The following ACADL variants were observed in gnomAD, a reference collection of about 807,000 sequenced individuals.
The protein encoded by ACADL is acyl-CoA dehydrogenase long chain.
A neutral mutation model predicts 56.9 loss-of-function variants in ACADL; 60 were observed. That is an observed-to-expected ratio of 1.05 (90% CI 0.86 to 1.31). The LOEUF (loss-of-function observed/expected upper bound fraction) is 1.31. Among genes scored for constraint, ACADL ranks in the 50% most tolerant of loss-of-function variants. ACADL has a pLI of 0.00. For synonymous variants in ACADL, 158 were observed against 179.7 expected (o/e 0.88, Z 0.97); for missense variants, 484 against 525.5 (o/e 0.92, Z 0.77).
At chr2:210,195,181 A>G (rs768412942) in intron 9 of ACADL, 30 bp downstream of exon 9, 1 of 1,613,536 alleles carries the variant, frequency 6.2e-7, no homozygotes, top group South Asian at 1.1e-5. Flanking sequence ...CTGAGCACAC[A>G]CCGCACTCTA....
At chr2:210,218,330 G>T in intron 2 of ACADL, 1 of 449,106 alleles carries the variant, frequency 2.2e-6, no homozygotes, top group Non-Finnish European at 3.9e-6. Context: ...ACCCAGGCTG[G>T]TGTGCAGTGG....
intron 10 of ACADL, among the ~76,000 whole-genome samples, chr2:210,191,980 C>T (rs2125708266): frequency 6.6e-6 from 1 of 152,144 alleles, no homozygotes; most frequent in Non-Finnish European, 1.5e-5. Context: ...CAAATTAGTA[C>T]TGCTTCAAAC....
chr2:210,216,565 C>T, intron 3 of ACADL, 54 bp from the exon 4 acceptor site: 3 of 1,511,106 alleles, frequency 2.0e-6, no homozygotes, highest in Non-Finnish European at 2.7e-6. Context: ...TAAAAAACGA[C>T]TATTATAACA....
At chr2:210,209,923 CACCT>C (rs1227623607) in intron 5 of ACADL, 1 of 354,960 alleles carries the variant, frequency 2.8e-6, no homozygotes, top group Non-Finnish European at 5.2e-6. Context: ...ATGTGAGCCT[CACCT>C]TGTCTTTTTC....
chr2:210,218,636 A>C (rs1369137499), intron 2 of ACADL: 1 of 154,608 alleles, frequency 6.5e-6, no homozygotes, highest in African/African-American at 2.4e-5. Context: ...TTGACTATTT[A>C]TTGGACTTGA....
chr2:210,215,610 C>T (rs187659021), intron 4 of ACADL, among the ~76,000 whole-genome samples: 1 of 152,264 alleles, frequency 6.6e-6, no homozygotes, highest in Admixed American at 6.5e-5. Flanking sequence ...GAAGCTCTTT[C>T]TCCCATTCTT....
chr2:210,213,274 C>T (rs188990199), intron 4 of ACADL, among the ~76,000 whole-genome samples: 138 of 152,206 alleles, frequency 9.1e-4, no homozygotes, highest in Non-Finnish European at 1.4e-3. Context: ...CCAAGACAGG[C>T]GGATCACCTG....
At chr2:210,208,231 G>A (rs923028425) in intron 5 of ACADL, among the ~76,000 whole-genome samples, 2 of 152,208 alleles carry the variant, frequency 1.3e-5, no homozygotes, top group African/African-American at 2.4e-5. Context: ...GAATAGAAAG[G>A]AAGGGAGGAG....
intron 10 of ACADL, among the ~76,000 whole-genome samples, chr2:210,190,985 C>T (rs1295463641): frequency 6.7e-6 from 1 of 149,604 alleles, no homozygotes; most frequent in East Asian, 2.0e-4. Flanking sequence ...GGCGCAATCT[C>T]GACTCACTGC....
At chr2:210,204,069 G>T (rs1296372614) in intron 7 of ACADL, among the ~76,000 whole-genome samples, 1 of 152,148 alleles carries the variant, frequency 6.6e-6, no homozygotes, top group Non-Finnish European at 1.5e-5. Context: ...TTTCATGGCA[G>T]TCACTAGGCA....
chr2:210,194,221 A>G lies in ACADL; in HGVS notation c.1112+990T>C, dbSNP rs779294127. Among the ~76,000 whole-genome samples the G allele has an allele frequency of 2.0e-5, 3 of 152,260 alleles. No homozygotes were observed. The East Asian group carries it at 5.8e-4, about 29-fold the overall frequency. On this transcript the variant is annotated intron_variant, in intron 9 of 10. Transcript: ENST00000233710. ...AGTCAAAGAACTTCTTGTAAATGTA[A>G]ATATAAAAAGTCTCCTCAAAAGTGC...
chr2:210,200,101 C>T (rs1688769728), intron 8 of ACADL, among the ~76,000 whole-genome samples: 1 of 151,960 alleles, frequency 6.6e-6, no homozygotes, highest in African/African-American at 2.4e-5. Flanking sequence ...GGTTGGATTT[C>T]AGAAGCAAAT....
At chr2:210,195,068 A>ATTT in intron 9 of ACADL, 143 bp downstream of exon 9, 1 of 1,069,804 alleles carries the variant, frequency 9.3e-7, no homozygotes, top group Non-Finnish European at 1.4e-6. Context: ...ACTTTTTAGC[A>ATTT]TTTTTTTTTA....
intron 1 of ACADL, 187 bp downstream of exon 1, chr2:210,225,000 C>G (rs898761329): frequency 1.0e-6 from 1 of 985,402 alleles, no homozygotes; most frequent in Admixed American, 6.1e-5. Context: ...TTTCCTCCGC[C>G]CAGATGCTGG....
intron 4 of ACADL, among the ~76,000 whole-genome samples, chr2:210,210,523 T>A (rs1267787725): frequency 2.0e-5 from 3 of 152,224 alleles, no homozygotes; most frequent in Non-Finnish European, 2.9e-5. Context: ...AAAGCCCAAC[T>A]AACATTCGAG....
chr2:210,209,017 T>A lies in ACADL; in HGVS notation c.603+1179A>T, dbSNP rs182675793. Among the ~76,000 whole-genome samples, 459 of 152,330 alleles carry A rather than the reference T, an allele frequency of 3.0e-3. 3 individuals carry two copies. Among genetic ancestry groups the A allele is most frequent in the African/African-American group, 0.011 (437 of 41,570 alleles). On this transcript the variant is annotated intron_variant, in intron 5 of 10. Transcript: ENST00000233710. Reference sequence around the variant, plus strand: ...TTCCCATTTCACTTCTGACCAAATATCCCACTCCCCTTTCAAAACAAGCCT... The same window carrying A: ...TTCCCATTTCACTTCTGACCAAATAACCCACTCCCCTTTCAAAACAAGCCT...
chr2:210,218,125 A>G, intron 2 of ACADL, 23 bp from the exon 3 acceptor site: 1 of 1,592,076 alleles, frequency 6.3e-7, no homozygotes, highest in Non-Finnish European at 8.6e-7. Flanking sequence ...AATATTTTAA[A>G]TTCAGATAAT....
chr2:210,215,472 A>G (rs192726775), intron 4 of ACADL, among the ~76,000 whole-genome samples: 1 of 152,270 alleles, frequency 6.6e-6, no homozygotes, highest in East Asian at 1.9e-4. Flanking sequence ...TAAAACTCTC[A>G]ATCCTTCTGT....
chr2:210,201,743 T>C (rs1257689672), intron 8 of ACADL, among the ~76,000 whole-genome samples: 3 of 152,184 alleles, frequency 2.0e-5, no homozygotes, highest in African/African-American at 7.2e-5. Context: ...GATGACCACA[T>C]GAAGGAATTA....
Sources: gnomAD v4.1 joint callset for allele counts (sites outside exome capture counted in the v4.1 genomes callset) on GRCh38, gnomAD v4.1.1 for gene constraint, MANE v1.5 for transcripts, NCBI Gene and HGNC (gene_info 2026-07-23, HGNC 2026-07-21) for gene names.